TBC1D5: variants seen among roughly 807,000 people sequenced by gnomAD.
The protein encoded by TBC1D5 is TBC1 domain family, member 5.
TBC1D5 carries 75 observed loss-of-function variants against 100.3 expected under a neutral mutation model. The ratio of observed to expected loss-of-function variants is 0.75; its 90% CI spans 0.62 to 0.91. TBC1D5 has a LOEUF of 0.91. Among genes scored for constraint, TBC1D5 ranks in the 40% least tolerant of loss-of-function variants. The pLI, the probability that TBC1D5 is intolerant of heterozygous loss-of-function variation, is 0.00. For synonymous variants in TBC1D5, 323 were observed against 325.6 expected (o/e 0.99, Z 0.09); for missense variants, 910 against 942.4 (o/e 0.97, Z 0.45).
intron 21 of TBC1D5, among the ~76,000 whole-genome samples, 165 bp downstream of exon 22, chr3:17,166,602 A>G (rs2066625889): frequency 1.3e-5 from 2 of 152,248 alleles, no homozygotes; most frequent in Admixed American, 1.3e-4. Flanking sequence ...CACCCCCTGC[A>G]GCACAGAGTG....
chr3:17,690,201 C>CTTTTT (rs1560473193), intron 1 of TBC1D5, among the ~76,000 whole-genome samples: 5 of 75,742 alleles, frequency 6.6e-5, no homozygotes, highest in African/African-American at 2.2e-4. Flanking sequence ...TAAAAATAGC[C>CTTTTT]ATATTTTTTT....
At chr3:17,680,374 CCAT>C (rs1205622287) in intron 1 of TBC1D5, among the ~76,000 whole-genome samples, 1 of 150,734 alleles carries the variant, frequency 6.6e-6, no homozygotes, top group East Asian at 1.9e-4. Flanking sequence ...GTACACACCA[CCAT>C]ATCTGGCTGA....
chr3:17,479,033 A>G (rs2095471125), intron 3 of TBC1D5, among the ~76,000 whole-genome samples: 1 of 152,252 alleles, frequency 6.6e-6, no homozygotes, highest in African/African-American at 2.4e-5. Flanking sequence ...TATGAATAAC[A>G]TGAAATATTA....
intron 3 of TBC1D5, among the ~76,000 whole-genome samples, chr3:17,473,754 AGT>A (rs1302277232): frequency 6.6e-6 from 1 of 152,208 alleles, no homozygotes; most frequent in Non-Finnish European, 1.5e-5. Flanking sequence ...AATTTACTGA[AGT>A]GTTTTTTAAA....
intron 2 of TBC1D5, among the ~76,000 whole-genome samples, chr3:17,572,601 T>C (rs1380815327): frequency 5.9e-5 from 9 of 152,106 alleles, no homozygotes; most frequent in Non-Finnish European, 1.3e-4. Context: ...TAATGCTTCA[T>C]GTCCCATTTA....
chr3:17,178,306 C>A (rs891941933), intron 19 of TBC1D5, among the ~76,000 whole-genome samples: 1 of 152,000 alleles, frequency 6.6e-6, no homozygotes, highest in Non-Finnish European at 1.5e-5. Context: ...ACCTCGTGAT[C>A]CACCCACCTC....
chr3:17,534,199 T>C (rs2096262064), intron 2 of TBC1D5, among the ~76,000 whole-genome samples: 1 of 152,130 alleles, frequency 6.6e-6, no homozygotes, highest in Admixed American at 6.6e-5. Flanking sequence ...GAATTTTCCA[T>C]CTTTCAGGAT....
At chr3:17,503,308 C>A (rs1002684769) in intron 3 of TBC1D5, among the ~76,000 whole-genome samples, 2 of 149,550 alleles carry the variant, frequency 1.3e-5, no homozygotes, top group Non-Finnish European at 2.9e-5. Context: ...GACATCACAC[C>A]TTCCTTGATC....
chr3:17,503,567 C>T lies in TBC1D5; in HGVS notation c.97+4907G>A, dbSNP rs754212461. 2.6e-4 allele frequency among the ~76,000 whole-genome samples: 39 copies of T among 149,386 alleles called. 1 individual carries two copies. The highest frequency in any genetic ancestry group is 2.8e-4 in the Non-Finnish European group (19 of 67,924). On this transcript the variant is annotated intron_variant, in intron 3 of 21. Coordinates refer to ENST00000253692, the Ensembl canonical transcript of TBC1D5. ...AATGACAAAAAATGAACTTTAAAAG[C>T]TTAAGAAAAGCTGCTACTCCGATAG...
chr3:17,617,820 G>T (rs1192920558), intron 2 of TBC1D5, among the ~76,000 whole-genome samples: 1 of 152,082 alleles, frequency 6.6e-6, no homozygotes, highest in Non-Finnish European at 1.5e-5. Context: ...AAGGTTTTTA[G>T]CTTCCTTGCG....
intron 3 of TBC1D5, among the ~76,000 whole-genome samples, chr3:17,504,801 C>A (rs2095827086): frequency 6.6e-6 from 1 of 152,132 alleles, no homozygotes; most frequent in African/African-American, 2.4e-5. Context: ...GCAGAAGAAA[C>A]CCATCTTTTA....
chr3:17,648,583 A>C (rs1360562135), intron 1 of TBC1D5, among the ~76,000 whole-genome samples: 1 of 152,238 alleles, frequency 6.6e-6, no homozygotes, highest in African/African-American at 2.4e-5. Context: ...TATGCATCTG[A>C]CAAAGGTCTA....
intron 16 of TBC1D5, among the ~76,000 whole-genome samples, chr3:17,245,531 A>G (rs1031998673): frequency 2.0e-5 from 3 of 152,200 alleles, no homozygotes; most frequent in African/African-American, 7.2e-5. Context: ...ACTTTCGTCT[A>G]TATGATGAGC....
chr3:17,299,858 CAAAAAAAAAAAAAAAA>C (rs10590475), intron 14 of TBC1D5, among the ~76,000 whole-genome samples: 1 of 48,590 alleles, frequency 2.1e-5, no homozygotes, highest in Non-Finnish European at 3.6e-5. Context: ...GACTCCGTCT[CAAAAAAAAAAAAAAAA>C]AAAAAAAAAA....
chr3:17,645,234 A>G (rs2064907317), intron 1 of TBC1D5, among the ~76,000 whole-genome samples: 1 of 152,068 alleles, frequency 6.6e-6, no homozygotes, highest in Non-Finnish European at 1.5e-5. Context: ...ACAGCTTCCT[A>G]TTTTCTCAGA....
intron 1 of TBC1D5, among the ~76,000 whole-genome samples, chr3:17,737,000 GA>G (rs1256117754): frequency 3.3e-5 from 5 of 152,004 alleles, no homozygotes; most frequent in Admixed American, 6.6e-5. Context: ...GTGACAGAGT[GA>G]GACTCTGTCT....
chr3:17,350,239 A>C (rs1387259908), intron 13 of TBC1D5, among the ~76,000 whole-genome samples: 1 of 151,888 alleles, frequency 6.6e-6, no homozygotes, highest in Non-Finnish European at 1.5e-5. Context: ...AGAAAGAAAT[A>C]ATGAAAAGAA....
chr3:17,157,401 T>C (rs927122430), exon 22 of TBC1D5: 2 of 152,268 alleles, frequency 1.3e-5, no homozygotes, highest in Non-Finnish European at 2.9e-5. Context: ...ACGAACTTTA[T>C]ATATCTTTTT....
At chr3:17,479,171 C>A (rs2095472491) in intron 3 of TBC1D5, among the ~76,000 whole-genome samples, 1 of 152,066 alleles carries the variant, frequency 6.6e-6, no homozygotes, top group African/African-American at 2.4e-5. Context: ...GTGGCAGAGG[C>A]AAGAGGATTG....
Sources: allele counts gnomAD v4.1 joint callset (sites outside exome capture counted in the v4.1 genomes callset), GRCh38; gene constraint gnomAD v4.1.1; transcripts MANE v1.5; gene names NCBI Gene and HGNC (gene_info 2026-07-23, HGNC 2026-07-21).